Variants in SUMF1 observed in about 807,000 individuals in gnomAD.
The protein encoded by SUMF1 is sulfatase modifying factor 1, also known as formylglycine-generating enzyme.
Under a neutral mutation model 47.6 loss-of-function variants are expected in SUMF1, and 48 were observed. The ratio of observed to expected loss-of-function variants is 1.01; its 90% CI spans 0.80 to 1.28. SUMF1 has a LOEUF of 1.28. Ranked by LOEUF, SUMF1 falls within the 50% of genes most tolerant of loss-of-function variation. SUMF1 has a pLI of 0.00. For synonymous variants in SUMF1, 230 were observed against 192.1 expected, an observed-to-expected ratio of 1.20 and a Z score of -1.63; for missense variants, 571 against 485.4, an observed-to-expected ratio of 1.18 and a Z score of -1.66.
chr3:4,067,387 C>T (rs991740591), intron 9 of SUMF1, among the ~76,000 whole-genome samples: 2 of 152,180 alleles, frequency 1.3e-5, no homozygotes, highest in Non-Finnish European at 2.9e-5. Context: ...GTTGCCTTCC[C>T]ACCATCTTCA....
At chr3:4,166,239 C>G (rs573599641) in intron 8 of SUMF1, among the ~76,000 whole-genome samples, 1 of 152,150 alleles carries the variant, frequency 6.6e-6, no homozygotes, top group Non-Finnish European at 1.5e-5. Flanking sequence ...CCTTACCTTT[C>G]TCCTATAAGA....
chr3:4,105,892 G>A (rs1467560137), intron 8 of SUMF1, among the ~76,000 whole-genome samples: 2 of 151,846 alleles, frequency 1.3e-5, no homozygotes, highest in African/African-American at 4.8e-5. Flanking sequence ...AATGATATGT[G>A]GTTTATTTAA....
chr3:4,362,235 C>A lies in SUMF1; in HGVS notation c.1034G>T (p.Arg345Leu), dbSNP rs139267495. The change falls in exon 9 of 9, where the codon CGC (arginine) becomes CTC (leucine). Residue 345 changes from arginine (R) to leucine (L), a missense_variant. Coordinates refer to ENST00000272902, the MANE Select transcript of SUMF1 (RefSeq NM_182760.4). The stretch of plus-strand genomic sequence containing the variant: ...TGTGTTCTGGCTCCGAGCAGCACAG[C>A]GATACCTGTAACAATAAGACTGTGT... ...MCHRSYCYRY[R>L]CAARSQNTPD... is the part of the protein sequence containing the mutation. 1 of 1,614,102 alleles carries A rather than the reference C, an allele frequency of 6.2e-7. No homozygotes were observed. Among genetic ancestry groups the A allele is most frequent in the Non-Finnish European group, 8.5e-7 (1 of 1,179,980 alleles).
chr3:4,451,474 A>G (rs1159948384), intron 2 of SUMF1, among the ~76,000 whole-genome samples: 2 of 152,172 alleles, frequency 1.3e-5, no homozygotes, highest in Non-Finnish European at 2.9e-5. Context: ...TAATGACAAA[A>G]ACCGTAATTA....
chr3:4,097,247 AT>A (rs565305109), intron 8 of SUMF1, among the ~76,000 whole-genome samples: 3 of 152,176 alleles, frequency 2.0e-5, no homozygotes, highest in Non-Finnish European at 2.9e-5. Flanking sequence ...TAAGTTTATT[AT>A]TTCTTTAAAA....
chr3:4,117,161 G>C (rs1693440738), intron 8 of SUMF1, among the ~76,000 whole-genome samples: 1 of 152,098 alleles, frequency 6.6e-6, no homozygotes, highest in African/African-American at 2.4e-5. Context: ...TCTCTAAGCA[G>C]GGGAATTATG....
At chr3:4,132,342 T>C (rs9838934) in intron 8 of SUMF1, among the ~76,000 whole-genome samples, 50,630 of 151,826 alleles carry the variant, frequency 0.33, 9,046 homozygotes, top group Non-Finnish European at 0.41. Context: ...TCCCCATCAT[T>C]CTGAAGCAGC....
intron 8 of SUMF1, among the ~76,000 whole-genome samples, chr3:4,280,655 C>G (rs1192054631): frequency 6.6e-6 from 1 of 152,188 alleles, no homozygotes; most frequent in African/African-American, 2.4e-5. Context: ...AATTTACCGT[C>G]TAACTATTCT....
At chr3:4,112,243 T>G (rs568961366) in intron 8 of SUMF1, among the ~76,000 whole-genome samples, 1 of 152,130 alleles carries the variant, frequency 6.6e-6, no homozygotes. Context: ...ACCAGATACA[T>G]AAAATATGCC....
chr3:4,249,149 C>A (rs1377253437), intron 8 of SUMF1, among the ~76,000 whole-genome samples: 4 of 152,162 alleles, frequency 2.6e-5, no homozygotes, highest in Non-Finnish European at 5.9e-5. Flanking sequence ...AAAATAAGTT[C>A]TGTGTTCTCT....
At chr3:4,244,957 C>A (rs1174265205) in intron 8 of SUMF1, among the ~76,000 whole-genome samples, 1 of 151,858 alleles carries the variant, frequency 6.6e-6, no homozygotes, top group African/African-American at 2.4e-5. Flanking sequence ...ACTCTTTTTT[C>A]TCTTGTCTTC....
At chr3:4,303,325 G>C (rs1403516021) in intron 8 of SUMF1, 1 of 1,473,440 alleles carries the variant, frequency 6.8e-7, no homozygotes, top group Non-Finnish European at 8.9e-7. Flanking sequence ...CATCCACCGC[G>C]CGGCCCAGGA....
chr3:4,419,685 C>A (rs1295709041), intron 4 of SUMF1, among the ~76,000 whole-genome samples: 1 of 152,122 alleles, frequency 6.6e-6, no homozygotes, highest in Non-Finnish European at 1.5e-5. Context: ...TGGGAGGACA[C>A]AATTACTTAT....
chr3:4,065,363 T>C (rs747951157), intron 9 of SUMF1, among the ~76,000 whole-genome samples: 1 of 152,110 alleles, frequency 6.6e-6, no homozygotes, highest in African/African-American at 2.4e-5. Context: ...CTGAAGAAGA[T>C]GTACAAAGTT....
chr3:4,113,359 T>C (rs1323288947), intron 8 of SUMF1, among the ~76,000 whole-genome samples: 1 of 151,844 alleles, frequency 6.6e-6, no homozygotes, highest in Non-Finnish European at 1.5e-5. Context: ...AGACCTTGTC[T>C]CTATAAAATA....
At chr3:4,287,388 GAAT>G (rs1374158253) in intron 8 of SUMF1, among the ~76,000 whole-genome samples, 1 of 145,606 alleles carries the variant, frequency 6.9e-6, no homozygotes, top group African/African-American at 2.6e-5. Context: ...CCATTTAGAA[GAAT>G]AATGAACATA....
intron 8 of SUMF1, among the ~76,000 whole-genome samples, chr3:4,342,926 C>T (rs1303180596): frequency 6.6e-6 from 1 of 152,188 alleles, no homozygotes; most frequent in Non-Finnish European, 1.5e-5. Flanking sequence ...TATTCAAGTC[C>T]TCATTTTACA....
At chr3:4,412,716 T>A (rs1387623804) in intron 6 of SUMF1, among the ~76,000 whole-genome samples, 3 of 152,020 alleles carry the variant, frequency 2.0e-5, no homozygotes, top group Non-Finnish European at 4.4e-5. Flanking sequence ...AAACCCTGTC[T>A]CTACTAAAAA....
chr3:4,251,960 G>A (rs1284304395), intron 8 of SUMF1, among the ~76,000 whole-genome samples: 1 of 152,116 alleles, frequency 6.6e-6, no homozygotes, highest in Non-Finnish European at 1.5e-5. Flanking sequence ...AATTCTATAT[G>A]CACGGGAAAA....
Sources: allele counts gnomAD v4.1 joint callset (sites outside exome capture counted in the v4.1 genomes callset), GRCh38; gene constraint gnomAD v4.1.1; transcripts MANE v1.5; gene names NCBI Gene and HGNC (gene_info 2026-07-23, HGNC 2026-07-21).